The following B3GALT1 variants were observed in gnomAD, a reference collection of about 807,000 sequenced individuals.
The protein encoded by B3GALT1 is UDP-Gal:betaGlcNAc beta 1,3-galactosyltransferase, polypeptide 1.
B3GALT1 carries 10 observed loss-of-function variants against 23.2 expected under a neutral mutation model. The observed-to-expected ratio is 0.43, with a 90% CI of 0.27 to 0.73. The LOEUF (loss-of-function observed/expected upper bound fraction) is 0.73, where lower values mean the gene tolerates loss of function less well. B3GALT1 is among the 30% of genes least tolerant of loss of function. The pLI, the probability that B3GALT1 is intolerant of heterozygous loss-of-function variation, is 0.21. For missense variants in B3GALT1, 299 were observed against 405.4 expected, an observed-to-expected ratio of 0.74 and a Z score of 2.25; for synonymous variants, 156 against 141.5, an observed-to-expected ratio of 1.10 and a Z score of -0.73.
chr2:167,572,679 T>C (rs1467796265), intron 2 of B3GALT1, among the ~76,000 whole-genome samples: 1 of 151,766 alleles, frequency 6.6e-6, no homozygotes, highest in Non-Finnish European at 1.5e-5. Flanking sequence ...GTTTCATTTG[T>C]CTGGAATTGG....
chr2:167,418,003 C>T (rs1698494705), intron 1 of B3GALT1, among the ~76,000 whole-genome samples: 1 of 152,178 alleles, frequency 6.6e-6, no homozygotes. Context: ...TGTTCTGCAG[C>T]TTAGAAGAGT....
At chr2:167,653,481 C>T (rs1685900947) in intron 3 of B3GALT1, among the ~76,000 whole-genome samples, 1 of 152,122 alleles carries the variant, frequency 6.6e-6, no homozygotes. Context: ...TGAGAACCTG[C>T]TTGAGCTGCC....
At position 167,869,367 on chromosome 2, in the gene B3GALT1, A is replaced by C; in HGVS notation, c.328A>C (p.Ile110Leu). 1.9e-6 allele frequency: 3 copies of C among 1,614,106 alleles called. No homozygotes were observed. The highest frequency in any genetic ancestry group is 2.5e-6 in the Non-Finnish European group (3 of 1,180,022). ...TWGDENNFKG[I>L]KIATLFLLGK... ...GGGGGATGAGAACAACTTTAAGGGGATCAAGATAGCCACCCTGTTCCTCCT... is the reference window on the plus strand; with the variant it reads ...GGGGGATGAGAACAACTTTAAGGGGCTCAAGATAGCCACCCTGTTCCTCCT... The change falls in exon 5 of 5, where the codon ATC becomes CTC. Residue 110 changes from isoleucine (I) to leucine (L), a missense_variant. Physicochemically the swap from Ile to Leu is conservative, Grantham distance 5 (BLOSUM62 2). This residue lies in a region of B3GALT1 where 162 missense variants were observed against 184.1 expected (regional missense o/e 0.88). Coordinates refer to ENST00000392690, the MANE Select transcript of B3GALT1 (RefSeq NM_020981.4). The surrounding 1 kb of genome is among the most constrained non-coding windows in gnomAD (Gnocchi z 6.4).
chr2:167,502,215 G>A (rs1699858050), intron 2 of B3GALT1, among the ~76,000 whole-genome samples: 1 of 152,052 alleles, frequency 6.6e-6, no homozygotes, highest in Admixed American at 6.5e-5. Flanking sequence ...ATAAAGAAAA[G>A]AACAAGGTAA....
At chr2:167,793,908 A>G (rs917501760) in intron 3 of B3GALT1, among the ~76,000 whole-genome samples, 3 of 152,216 alleles carry the variant, frequency 2.0e-5, no homozygotes, top group Non-Finnish European at 2.9e-5. Context: ...CCCTCCGCAT[A>G]GGGAAGAGAT....
chr2:167,752,756 T>C (rs1687758956), intron 3 of B3GALT1, among the ~76,000 whole-genome samples: 1 of 152,166 alleles, frequency 6.6e-6, no homozygotes, highest in Non-Finnish European at 1.5e-5. Context: ...CTCACAATTG[T>C]TGAAAACTGT....
rs1294853646 is a variant in B3GALT1 at position 167,869,113 on chromosome 2, T to C, written c.74T>C (p.Ile25Thr). The change falls in exon 5 of 5, where the codon ATA (isoleucine) becomes ACA (threonine). Residue 25 changes from isoleucine to threonine, a missense_variant. Transcript: ENST00000392690. This position sits in a 1 kb window ranked among gnomAD's most constrained non-coding sequence, Gnocchi z 6.4. The part of the protein sequence containing the change: ...CWASALWYLS[I>T]TRPTSSYTGS... ...GCCAGCGCTCTCTGGTACTTGAGTA[T>C]AACTCGCCCTACTTCTTCTTACACT... 6.2e-7 allele frequency: 1 copy of C among 1,614,186 alleles called. No homozygotes were observed. The highest frequency in any genetic ancestry group is 1.7e-5 in the Admixed American group (1 of 60,016).
chr2:167,458,947 G>A (rs1699214701), intron 1 of B3GALT1, among the ~76,000 whole-genome samples: 1 of 152,026 alleles, frequency 6.6e-6, no homozygotes, highest in Admixed American at 6.6e-5. Flanking sequence ...CTCTCTTTTG[G>A]TTAGTATTTG....
intron 2 of B3GALT1, among the ~76,000 whole-genome samples, chr2:167,538,705 G>A (rs991678404): frequency 6.6e-6 from 1 of 151,974 alleles, no homozygotes; most frequent in African/African-American, 2.4e-5. Flanking sequence ...AAATAACTAT[G>A]GTTTATCTTG....
intron 2 of B3GALT1, among the ~76,000 whole-genome samples, chr2:167,535,533 A>G (rs566286380): frequency 4.0e-4 from 61 of 152,130 alleles, no homozygotes; most frequent in Non-Finnish European, 7.4e-4. Context: ...CCTTGCAGAA[A>G]GAGGCAGCTC....
intron 2 of B3GALT1, among the ~76,000 whole-genome samples, chr2:167,590,918 A>G (rs905527209): frequency 6.6e-6 from 1 of 152,202 alleles, no homozygotes; most frequent in African/African-American, 2.4e-5. Flanking sequence ...GCTCTATACT[A>G]CATTCCATAA....
intron 4 of B3GALT1, among the ~76,000 whole-genome samples, chr2:167,834,453 G>A (rs1210271957): frequency 1.3e-5 from 2 of 152,216 alleles, no homozygotes. Flanking sequence ...GAAAGCCATT[G>A]TGGTCTCTTT....
At chr2:167,688,933 C>A (rs1167025966) in intron 3 of B3GALT1, among the ~76,000 whole-genome samples, 1 of 152,032 alleles carries the variant, frequency 6.6e-6, no homozygotes, top group Non-Finnish European at 1.5e-5. Flanking sequence ...TATGTGTGTA[C>A]ATGTGCACAC....
At chr2:167,819,552 C>T (rs1689063585) in intron 4 of B3GALT1, among the ~76,000 whole-genome samples, 1 of 152,208 alleles carries the variant, frequency 6.6e-6, no homozygotes, top group Non-Finnish European at 1.5e-5. Context: ...AAGAGGTCAC[C>T]TGGATGACAC....
intron 2 of B3GALT1, among the ~76,000 whole-genome samples, chr2:167,614,130 A>C (rs775221386): frequency 2.0e-5 from 3 of 151,848 alleles, no homozygotes; most frequent in South Asian, 4.1e-4. Flanking sequence ...TTATTTGTGC[A>C]TAATGTGTAT....
intron 1 of B3GALT1, among the ~76,000 whole-genome samples, chr2:167,446,881 C>G (rs945257541): frequency 6.6e-6 from 1 of 152,186 alleles, no homozygotes; most frequent in Non-Finnish European, 1.5e-5. Flanking sequence ...CATTCTCCAT[C>G]CAACTTTGTT....
At chr2:167,834,615 G>A (rs554828845) in intron 4 of B3GALT1, among the ~76,000 whole-genome samples, 6 of 152,276 alleles carry the variant, frequency 3.9e-5, no homozygotes, top group East Asian at 3.9e-4. Context: ...TTGGGAGGCC[G>A]AGGCAGGTGG....
chr2:167,721,021 C>G (rs982683529), intron 3 of B3GALT1, among the ~76,000 whole-genome samples: 3 of 152,142 alleles, frequency 2.0e-5, no homozygotes, highest in Non-Finnish European at 4.4e-5. Context: ...CTCCTTCCTT[C>G]TTTCTCTCTC....
intron 3 of B3GALT1, among the ~76,000 whole-genome samples, chr2:167,739,706 A>T (rs192544452): frequency 6.6e-6 from 1 of 152,248 alleles, no homozygotes; most frequent in Non-Finnish European, 1.5e-5. Flanking sequence ...CCAAAGATTA[A>T]CCCATAGAAG....
Sources: gnomAD v4.1 joint callset for allele counts (sites outside exome capture counted in the v4.1 genomes callset) on GRCh38, gnomAD v4.1.1 for gene constraint, gnomAD v4.1.1 regional missense constraint, Gnocchi (gnomAD v3.1) non-coding constraint, MANE v1.5 for transcripts, NCBI Gene and HGNC (gene_info 2026-07-23, HGNC 2026-07-21) for gene names.